EFR3A: variants seen among roughly 807,000 people sequenced by gnomAD.
EFR3A encodes protein EFR3 homolog A.
In EFR3A, 76 loss-of-function variants were observed where a neutral mutation model predicts 104.4. That is an observed-to-expected ratio of 0.73 (90% CI 0.60 to 0.88). EFR3A has a LOEUF of 0.88. Ranked by LOEUF, EFR3A falls within the 40% of genes least tolerant of loss-of-function variation. EFR3A has a pLI of 0.00. For missense variants in EFR3A, 985 were observed against 1,012.5 expected (o/e 0.97, Z 0.37); for synonymous variants, 330 against 330.0 (o/e 1.00, Z 0.00).
chr8:131,989,670 A>G (rs1821066372), intron 18 of EFR3A, among the ~76,000 whole-genome samples: 1 of 152,176 alleles, frequency 6.6e-6, no homozygotes, highest in Admixed American at 6.6e-5. Context: ...TCTAATTTCT[A>G]CTGAGTGCCT....
At chr8:131,951,957 A>G (rs1285875710) in intron 5 of EFR3A, among the ~76,000 whole-genome samples, 1 of 152,016 alleles carries the variant, frequency 6.6e-6, no homozygotes, top group Non-Finnish European at 1.5e-5. Context: ...CAGTCCCTTT[A>G]TTTTTTTACC....
At chr8:131,930,183 A>C (rs1462496903) in intron 1 of EFR3A, among the ~76,000 whole-genome samples, 1 of 152,132 alleles carries the variant, frequency 6.6e-6, no homozygotes, top group Non-Finnish European at 1.5e-5. Flanking sequence ...TAACAAATAG[A>C]TATTGAGCTC....
chr8:131,966,766 C>T (rs1003492410), intron 8 of EFR3A, among the ~76,000 whole-genome samples: 4 of 152,062 alleles, frequency 2.6e-5, no homozygotes, highest in Non-Finnish European at 4.4e-5. Context: ...CGTCTTAAAG[C>T]GATTCATCTG....
chr8:131,918,622 T>C (rs930124101), intron 1 of EFR3A, among the ~76,000 whole-genome samples: 3 of 152,218 alleles, frequency 2.0e-5, no homozygotes, highest in African/African-American at 7.2e-5. Context: ...AGTTACTGTT[T>C]AATCAGAAAA....
chr8:131,978,719 T>C, intron 12 of EFR3A, 128 bp from the exon 13 acceptor site: 1 of 720,318 alleles, frequency 1.4e-6, no homozygotes, highest in South Asian at 3.5e-5. Flanking sequence ...ACATTTCTTT[T>C]ATGTCTTTTC....
intron 21 of EFR3A, 68 bp from the exon 22 acceptor site, chr8:132,003,168 A>G (rs1357520466): frequency 8.3e-7 from 1 of 1,207,322 alleles, no homozygotes; most frequent in African/African-American, 1.5e-5. Flanking sequence ...CTCTTAAGTT[A>G]CATTGATATT....
intron 5 of EFR3A, among the ~76,000 whole-genome samples, chr8:131,950,690 A>G (rs1376609704): frequency 6.6e-6 from 1 of 152,130 alleles, no homozygotes; most frequent in African/African-American, 2.4e-5. Flanking sequence ...AGTATCGCGA[A>G]TACTTTGAAT....
intron 8 of EFR3A, among the ~76,000 whole-genome samples, chr8:131,962,853 A>T (rs949159688): frequency 1.3e-5 from 2 of 152,220 alleles, no homozygotes; most frequent in African/African-American, 2.4e-5. Context: ...AAAGAACAGA[A>T]ATTATAACAA....
intron 13 of EFR3A, 119 bp downstream of exon 13, chr8:131,979,138 T>C (rs1820472297): frequency 8.6e-6 from 10 of 1,165,028 alleles, no homozygotes; most frequent in Non-Finnish European, 1.2e-5. Flanking sequence ...TCCATAATTT[T>C]ATTTAATTGG....
At chr8:131,964,776 G>C (rs1405523411) in intron 8 of EFR3A, among the ~76,000 whole-genome samples, 1 of 152,148 alleles carries the variant, frequency 6.6e-6, no homozygotes, top group Non-Finnish European at 1.5e-5. Context: ...CTAAGCCAAA[G>C]AACAAAGCTG....
At chr8:131,948,959 C>G (rs566842335) in intron 4 of EFR3A, among the ~76,000 whole-genome samples, 126 of 152,120 alleles carry the variant, frequency 8.3e-4, no homozygotes, top group Non-Finnish European at 4.4e-5. Flanking sequence ...GTAATAGATG[C>G]AATGTATTTC....
At chr8:131,939,308 CTG>C (rs1476851396) in intron 1 of EFR3A, among the ~76,000 whole-genome samples, 1 of 152,094 alleles carries the variant, frequency 6.6e-6, no homozygotes, top group Admixed American at 6.5e-5. Flanking sequence ...CACTTCAGAT[CTG>C]TCTGTTCCAA....
chr8:131,928,727 G>A (rs556388482), intron 1 of EFR3A, among the ~76,000 whole-genome samples: 2 of 151,952 alleles, frequency 1.3e-5, no homozygotes, highest in South Asian at 4.2e-4. Flanking sequence ...TTACATTATT[G>A]TAAAATCATG....
At position 132,012,546 on chromosome 8, in the gene EFR3A, A is replaced by T. The variant is rs1370496839; in HGVS notation, c.*1651A>T. 6.6e-6 allele frequency: 1 copy of T among 152,586 alleles called. No homozygotes were observed. The highest frequency in any genetic ancestry group is 2.4e-5 in the African/African-American group (1 of 41,444). The allele number at this position is 152,586 out of a possible 1,614,324, so 9.5% of individuals were successfully genotyped here. A position where few individuals can be genotyped will look rare whatever the true frequency, so the allele number is the denominator to read the frequency against. The stretch of plus-strand genomic sequence containing the variant: ...GTCACTGGAACTTTGCCTCTTGATC[A>T]GGAAAAATGCTTCACCAGTCCGTAA... On this transcript the variant is annotated 3_prime_UTR_variant, in exon 23 of 23. Transcript: ENST00000254624.
chr8:131,906,472 C>T (rs2130359200), intron 1 of EFR3A, among the ~76,000 whole-genome samples: 1 of 152,268 alleles, frequency 6.6e-6, no homozygotes, highest in Admixed American at 6.5e-5. Flanking sequence ...CTCTCAGACT[C>T]TACAATTCCG....
In EFR3A at chr8:131,975,574, G is replaced by A. The variant is rs564419541; in HGVS notation, c.1160-453G>A. ...TGGGATTACAGGCATGTGCCACCAC[G>A]CCCAGCTAATTTTGTATTTTTAGTA... On this transcript the variant is annotated intron_variant, in intron 10 of 22. Transcript: ENST00000254624. Among the ~76,000 whole-genome samples the A allele has an allele frequency of 2.5e-4, 38 of 151,832 alleles. 1 individual carries two copies. The South Asian group carries it at 7.5e-3, about 30-fold the overall frequency.
At chr8:131,929,461 T>A (rs1817475746) in intron 1 of EFR3A, among the ~76,000 whole-genome samples, 1 of 152,174 alleles carries the variant, frequency 6.6e-6, no homozygotes, top group African/African-American at 2.4e-5. Context: ...TTCTACTTTT[T>A]CTTCAAGACT....
intron 14 of EFR3A, among the ~76,000 whole-genome samples, chr8:131,981,143 G>A (rs1820592439): frequency 6.6e-6 from 1 of 151,484 alleles, no homozygotes; most frequent in Non-Finnish European, 1.5e-5. Flanking sequence ...AATGAATTTT[G>A]TAAACTCAAT....
At chr8:131,983,687 G>A (rs1204703152) in intron 14 of EFR3A, among the ~76,000 whole-genome samples, 7 of 151,910 alleles carry the variant, frequency 4.6e-5, no homozygotes, top group East Asian at 1.9e-4. Flanking sequence ...TTCTCTGTAC[G>A]GCTAACCCAC....
Sources: gnomAD v4.1 joint callset for allele counts (sites outside exome capture counted in the v4.1 genomes callset) on GRCh38, gnomAD v4.1.1 for gene constraint, MANE v1.5 for transcripts, NCBI Gene and HGNC (gene_info 2026-07-23, HGNC 2026-07-21) for gene names.